Variants in CADM1 observed in about 807,000 individuals in gnomAD.
CADM1 encodes the protein cell adhesion molecule 1.
Under a neutral mutation model 53.1 loss-of-function variants are expected in CADM1, and 15 were observed. The ratio of observed to expected loss-of-function variants is 0.28; its 90% CI spans 0.19 to 0.44. CADM1 has a LOEUF of 0.44. CADM1 is among the 20% of genes least tolerant of loss of function. CADM1 has a pLI of 1.00. For synonymous variants in CADM1, 281 were observed against 243.0 expected (o/e 1.16, Z -1.45); for missense variants, 434 against 611.3 (o/e 0.71, Z 3.06).
At chr11:115,334,460 TACTCATCAATTGATGAGTACC>T (rs1311895147) in intron 1 of CADM1, among the ~76,000 whole-genome samples, 1 of 145,800 alleles carries the variant, frequency 6.9e-6, no homozygotes, top group Admixed American at 6.9e-5. Context: ...ATGAGTACAG[TACTCATCAATTGATGAGTACC>T]CCATCAGGTG....
At chr11:115,466,941 C>T (rs1245005233) in intron 1 of CADM1, among the ~76,000 whole-genome samples, 3 of 152,188 alleles carry the variant, frequency 2.0e-5, no homozygotes, top group African/African-American at 7.2e-5. Flanking sequence ...CATCACTTAC[C>T]AGCCAACATT....
At chr11:115,464,837 G>C (rs1016420582) in intron 1 of CADM1, among the ~76,000 whole-genome samples, 1 of 152,146 alleles carries the variant, frequency 6.6e-6, no homozygotes, top group African/African-American at 2.4e-5. Flanking sequence ...AACAATACCA[G>C]ATCACTTAAA....
intron 1 of CADM1, among the ~76,000 whole-genome samples, chr11:115,271,342 G>C (rs1231384749): frequency 1.3e-5 from 2 of 152,130 alleles, no homozygotes; most frequent in African/African-American, 4.8e-5. Context: ...GAGGGCAGTG[G>C]TGCCATCTCG....
chr11:115,292,989 C>G (rs1227853182), intron 1 of CADM1, among the ~76,000 whole-genome samples: 1 of 152,210 alleles, frequency 6.6e-6, no homozygotes, highest in Non-Finnish European at 1.5e-5. Context: ...CACATGTTTA[C>G]ACTACTTCAC....
intron 1 of CADM1, among the ~76,000 whole-genome samples, chr11:115,338,877 A>AT (rs56300408): frequency 0.53 from 67,621 of 126,920 alleles, 16,961 homozygotes; most frequent in Middle Eastern, 0.65. Context: ...TATTTTTTTT[A>AT]TTTTTTTTTT....
At chr11:115,499,205 C>CT (rs1949682954) in intron 1 of CADM1, among the ~76,000 whole-genome samples, 1 of 152,024 alleles carries the variant, frequency 6.6e-6, no homozygotes, top group Admixed American at 6.6e-5. Flanking sequence ...AGAACATTTC[C>CT]TTTTTTCCTT....
At chr11:115,222,696 T>C (rs1941450692) in intron 5 of CADM1, among the ~76,000 whole-genome samples, 2 of 152,134 alleles carry the variant, frequency 1.3e-5, no homozygotes, top group East Asian at 1.9e-4. Flanking sequence ...AATACCACAG[T>C]AGAATGCAGT....
chr11:115,422,639 G>A (rs143479139), intron 1 of CADM1, among the ~76,000 whole-genome samples: 1 of 152,118 alleles, frequency 6.6e-6, no homozygotes, highest in Non-Finnish European at 1.5e-5. Flanking sequence ...TCTGGATCCT[G>A]GTCTAAATTG....
chr11:115,215,094 C>A (rs1417425811), intron 6 of CADM1, among the ~76,000 whole-genome samples: 1 of 152,184 alleles, frequency 6.6e-6, no homozygotes, highest in Non-Finnish European at 1.5e-5. Flanking sequence ...CCAACTCAGG[C>A]AGGACAGACC....
intron 1 of CADM1, among the ~76,000 whole-genome samples, chr11:115,351,494 T>A (rs1010921212): frequency 6.6e-6 from 1 of 152,192 alleles, no homozygotes; most frequent in Non-Finnish European, 1.5e-5. Flanking sequence ...TTTTGTATTC[T>A]AGCAAGCTGA....
At chr11:115,484,512 C>A (rs1949327562) in intron 1 of CADM1, among the ~76,000 whole-genome samples, 1 of 152,194 alleles carries the variant, frequency 6.6e-6, no homozygotes, top group Admixed American at 6.5e-5. Flanking sequence ...TATTAAGTTT[C>A]TCTGTATCCA....
At chr11:115,279,455 T>C (rs951176735) in intron 1 of CADM1, among the ~76,000 whole-genome samples, 8 of 152,232 alleles carry the variant, frequency 5.3e-5, no homozygotes, top group Non-Finnish European at 1.0e-4. Context: ...AGATCTACTT[T>C]ATGCTATAAT....
chr11:115,387,272 A>T (rs1946722397), intron 1 of CADM1, among the ~76,000 whole-genome samples: 1 of 152,186 alleles, frequency 6.6e-6, no homozygotes, highest in Non-Finnish European at 1.5e-5. Context: ...GCAGTAATAC[A>T]TGTCTCAGTA....
chr11:115,390,713 G>C (rs1005095040), intron 1 of CADM1, among the ~76,000 whole-genome samples: 2 of 149,416 alleles, frequency 1.3e-5, no homozygotes, highest in Non-Finnish European at 3.0e-5. Context: ...GGAGTATTAA[G>C]AGAATAGTGT....
At position 115,445,614 on chromosome 11, in the gene CADM1, C is replaced by T. The variant is rs1008510827; in HGVS notation, c.124+58657G>A. The T allele has an allele frequency of 4.8e-5, 14 of 289,584 alleles. No homozygotes were observed. In the East Asian group the frequency reaches 4.9e-4, roughly 10 times the overall value. The allele number at this position is 289,584 out of a possible 1,614,324, so 17.9% of individuals were successfully genotyped here. A position where few individuals can be genotyped will look rare whatever the true frequency, so the allele number is the denominator to read the frequency against. On this transcript the variant is annotated intron_variant, in intron 1 of 11. Transcript: ENST00000331581. Reference sequence around the variant, plus strand: ...ATTCCAGCACTTTGGGAGATTGAGGCGAATGGATTACCTGAGGCCAGGAGT... The same window carrying T: ...ATTCCAGCACTTTGGGAGATTGAGGTGAATGGATTACCTGAGGCCAGGAGT...
intron 1 of CADM1, among the ~76,000 whole-genome samples, chr11:115,308,211 T>TATATATATAC (rs139012671): frequency 9.8e-4 from 136 of 139,334 alleles, no homozygotes; most frequent in African/African-American, 2.7e-3. Context: ...TATATATATA[T>TATATATATAC]ACACACCTAT....
chr11:115,356,293 A>C (rs1046376358), intron 1 of CADM1, among the ~76,000 whole-genome samples: 4 of 149,778 alleles, frequency 2.7e-5, no homozygotes, highest in Admixed American at 2.0e-4. Context: ...AGTAAGGTCA[A>C]ATAAGTTGAC....
intron 3 of CADM1, among the ~76,000 whole-genome samples, chr11:115,233,473 A>G (rs1268953034): frequency 1.3e-5 from 2 of 152,224 alleles, no homozygotes; most frequent in African/African-American, 4.8e-5. Flanking sequence ...ATAGATTTTC[A>G]TCATACATAC....
At chr11:115,317,983 TACACACACACACACACAC>T (rs35753948) in intron 1 of CADM1, among the ~76,000 whole-genome samples, 1 of 149,084 alleles carries the variant, frequency 6.7e-6, no homozygotes, top group African/African-American at 2.5e-5. Context: ...TATTACACAC[TACACACACACACACACAC>T]ACACACACAC....
Sources: gnomAD v4.1 joint callset for allele counts (sites outside exome capture counted in the v4.1 genomes callset) on GRCh38, gnomAD v4.1.1 for gene constraint, MANE v1.5 for transcripts, NCBI Gene and HGNC (gene_info 2026-07-23, HGNC 2026-07-21) for gene names.